Variants in PLA2R1 observed in about 807,000 individuals in gnomAD.
PLA2R1 encodes the protein secretory phospholipase A2 receptor.
Under a neutral mutation model 195.9 loss-of-function variants are expected in PLA2R1, and 158 were observed. The observed-to-expected ratio is 0.81, with a 90% CI of 0.71 to 0.92. The LOEUF is 0.92. PLA2R1 is among the 40% of genes least tolerant of loss of function. The probability of loss-of-function intolerance (pLI) is 0.00; values close to 1 mark genes in which losing one functional copy is unlikely to be tolerated. For synonymous variants in PLA2R1, 586 were observed against 598.2 expected, an observed-to-expected ratio of 0.98 and a Z score of 0.30; for missense variants, 1,626 against 1,764.6, an observed-to-expected ratio of 0.92 and a Z score of 1.41.
intron 2 of PLA2R1, 56 bp downstream of exon 2, chr2:160,044,718 A>G (rs1694750914): frequency 2.7e-6 from 4 of 1,459,562 alleles, no homozygotes; most frequent in East Asian, 2.3e-5. Flanking sequence ...ATCTTTACTT[A>G]TAGGCAAACC....
chr2:159,995,351 T>A (rs1360339461), intron 11 of PLA2R1, among the ~76,000 whole-genome samples: 1 of 152,076 alleles, frequency 6.6e-6, no homozygotes, highest in Admixed American at 6.6e-5. Context: ...CAGAAACTTA[T>A]GAATGACAAG....
At chr2:160,007,903 A>C (rs187710155) in intron 10 of PLA2R1, among the ~76,000 whole-genome samples, 3 of 152,366 alleles carry the variant, frequency 2.0e-5, no homozygotes, top group Admixed American at 2.0e-4. Context: ...TAAAATCCAT[A>C]TGGAAATTCA....
intron 20 of PLA2R1, 60 bp from the exon 21 acceptor site, chr2:159,956,687 T>C: frequency 9.7e-7 from 1 of 1,033,252 alleles, no homozygotes. Flanking sequence ...GAATTAAAAA[T>C]TTCCCAAAGA....
chr2:160,054,731 T>G (rs933625343), intron 1 of PLA2R1, among the ~76,000 whole-genome samples: 1 of 152,220 alleles, frequency 6.6e-6, no homozygotes, highest in African/African-American at 2.4e-5. Context: ...CTTAATATAG[T>G]GTTTATATGG....
downstream of PLA2R1, among the ~76,000 whole-genome samples, chr2:159,928,418 A>C (rs533859711): frequency 5.4e-4 from 83 of 152,312 alleles, 5 homozygotes; most frequent in South Asian, 0.016. Flanking sequence ...ATTTACAAGG[A>C]GAAATAAAAT....
At chr2:159,965,138 A>G (rs1688701742) in intron 20 of PLA2R1, among the ~76,000 whole-genome samples, 1 of 152,190 alleles carries the variant, frequency 6.6e-6, no homozygotes, top group Non-Finnish European at 1.5e-5. Context: ...CAATCGATGA[A>G]CCTGCATTAA....
chr2:160,024,863 C>T (rs1346950720), intron 6 of PLA2R1, among the ~76,000 whole-genome samples: 3 of 152,200 alleles, frequency 2.0e-5, no homozygotes, highest in Non-Finnish European at 4.4e-5. Context: ...TTTTGCTGCT[C>T]CTTGACCCCC....
At chr2:159,981,329 GTA>G (rs3061614) in intron 13 of PLA2R1, among the ~76,000 whole-genome samples, 26,500 of 151,964 alleles carry the variant, frequency 0.17, 5,415 homozygotes, top group African/African-American at 0.49. Flanking sequence ...ATGAGATCTG[GTA>G]TGTTTGCTAT....
At chr2:160,041,374 AAAAAT>A (rs1407263059) in intron 3 of PLA2R1, among the ~76,000 whole-genome samples, 1 of 152,200 alleles carries the variant, frequency 6.6e-6, no homozygotes, top group Non-Finnish European at 1.5e-5. Context: ...TTAGCTAAAT[AAAAAT>A]AAAATGAAAT....
chr2:160,044,926 C>G lies in PLA2R1; in HGVS notation c.341G>C (p.Arg114Pro), dbSNP rs373497970. ...GATCATCTTCCTGTTACAGCGCCAC[C>G]GTAAGGAAACGAGGGTGGAGTCACA... ...YECDSTLVSL[R>P]WRCNRKMITG... is the part of the protein sequence containing the mutation. The change falls in exon 2 of 30, where the codon CGG (arginine) becomes CCG (proline). Residue 114 changes from arginine (R) to proline (P), a missense_variant. Coordinates refer to ENST00000283243, the MANE Select transcript of PLA2R1 (RefSeq NM_007366.5). 6.2e-7 allele frequency: 1 copy of G among 1,614,116 alleles called. No individual in the cohort carries two copies. Among genetic ancestry groups the G allele is most frequent in the Admixed American group, 1.7e-5 (1 of 60,014 alleles).
chr2:160,044,729 T>A, intron 2 of PLA2R1, 45 bp downstream of exon 2: 2 of 1,549,190 alleles, frequency 1.3e-6, no homozygotes, highest in Non-Finnish European at 1.8e-6. Context: ...TAGGCAAACC[T>A]TAAAAAAACA....
chr2:159,986,674 C>T (rs1420819864), intron 12 of PLA2R1, among the ~76,000 whole-genome samples: 1 of 151,926 alleles, frequency 6.6e-6, no homozygotes, highest in East Asian at 1.9e-4. Context: ...GCAACCTCTG[C>T]CTCCCGGGTT....
Position 159,967,690 on chromosome 2 carries a change from A to C in PLA2R1, c.2765-12T>G. 1 of 1,611,376 alleles carries C rather than the reference A, an allele frequency of 6.2e-7. No individual in the cohort carries two copies. The highest frequency in any genetic ancestry group is 8.5e-7 in the Non-Finnish European group (1 of 1,178,668). On this transcript the variant is annotated splice_polypyrimidine_tract_variant and intron_variant, in intron 19 of 29. Transcript: ENST00000283243. ...ACTACCCCAGAGTCCTGGAGGAGAAAATGGGTTAGAAATGGCTTAGGAACA... is the reference window on the plus strand; with the variant it reads ...ACTACCCCAGAGTCCTGGAGGAGAACATGGGTTAGAAATGGCTTAGGAACA...
At chr2:160,044,100 C>T (rs989961449) in intron 2 of PLA2R1, among the ~76,000 whole-genome samples, 4 of 151,868 alleles carry the variant, frequency 2.6e-5, no homozygotes, top group African/African-American at 9.7e-5. Context: ...CCAAACAAAA[C>T]GCTGAGGGAC....
At chr2:160,030,793 C>T (rs931409911) in intron 4 of PLA2R1, among the ~76,000 whole-genome samples, 2 of 152,176 alleles carry the variant, frequency 1.3e-5, no homozygotes, top group South Asian at 4.1e-4. Flanking sequence ...TTGGTTGGAA[C>T]AGGTTTCTGT....
chr2:159,982,610 A>G (rs537717163), intron 13 of PLA2R1, among the ~76,000 whole-genome samples: 1 of 152,368 alleles, frequency 6.6e-6, no homozygotes, highest in East Asian at 1.9e-4. Context: ...AGAATGCTGC[A>G]CAAGACTCAC....
Position 160,005,730 on chromosome 2 carries a change from TATC to T in PLA2R1, c.1753_1755del (p.Asp585del). 2 of 1,613,674 alleles carry T rather than the reference TATC, an allele frequency of 1.2e-6. No individual in the cohort carries two copies. The highest frequency in any genetic ancestry group is 1.7e-6 in the Non-Finnish European group (2 of 1,179,570). On this transcript the variant is annotated inframe_deletion, in exon 11 of 30. Transcript: ENST00000283243. ...ACTGGCTTCCAAGTGTATTCTCCCG[TATC>T]ATTTTGGTCCTGAAGAGCTATCCAA...
At chr2:159,958,870 C>T (rs1380715466) in intron 20 of PLA2R1, among the ~76,000 whole-genome samples, 1 of 152,102 alleles carries the variant, frequency 6.6e-6, no homozygotes, top group Non-Finnish European at 1.5e-5. Context: ...AATTATCTGA[C>T]CCCAAATGTC....
At chr2:159,953,353 C>T (rs1687882809) in intron 23 of PLA2R1, among the ~76,000 whole-genome samples, 1 of 152,070 alleles carries the variant, frequency 6.6e-6, no homozygotes, top group South Asian at 2.1e-4. Context: ...GGGCTCAAGC[C>T]CAATGTAAGC....
Sources: allele counts gnomAD v4.1 joint callset (sites outside exome capture counted in the v4.1 genomes callset), GRCh38; gene constraint gnomAD v4.1.1; transcripts MANE v1.5; gene names NCBI Gene and HGNC (gene_info 2026-07-23, HGNC 2026-07-21).